The following DMD variants were observed in gnomAD, a reference collection of about 807,000 sequenced individuals.
The protein encoded by DMD is mutant dystrophin.
Under a neutral mutation model 330.1 loss-of-function variants are expected in DMD, and 63 were observed. The ratio of observed to expected loss-of-function variants is 0.19; its 90% CI spans 0.16 to 0.24. DMD has a LOEUF of 0.24. DMD is among the 10% of genes least tolerant of loss of function. The pLI is 1.00. For missense variants in DMD, 3,344 were observed against 2,684.1 expected (o/e 1.25, Z -5.43); for synonymous variants, 1,223 against 959.8 (o/e 1.27, Z -5.07).
At chrX:32,118,740 T>C (rs2096621937) in intron 44 of DMD, among the ~76,000 whole-genome samples, 1 of 109,014 alleles carries the variant, frequency 9.2e-6, no homozygotes, top group Admixed American at 9.8e-5. Context: ...CAGAGACTGG[T>C]TTAGAGGAAG....
intron 1 of DMD, among the ~76,000 whole-genome samples, chrX:33,217,494 G>A (rs1432363094): frequency 1.8e-5 from 2 of 111,504 alleles, no homozygotes; most frequent in Non-Finnish European, 3.8e-5. Flanking sequence ...TCTGGTAAAT[G>A]TTTTATTAGA....
At chrX:32,459,559 C>T (rs934587384) in intron 25 of DMD, among the ~76,000 whole-genome samples, 3 of 110,954 alleles carry the variant, frequency 2.7e-5, no homozygotes, top group East Asian at 2.8e-4. Flanking sequence ...TCTTTTTCTC[C>T]GAAATAAATA....
At chrX:32,964,117 G>T (rs1000887290) in intron 2 of DMD, among the ~76,000 whole-genome samples, 3 of 107,850 alleles carry the variant, frequency 2.8e-5, no homozygotes, top group African/African-American at 1.0e-4. Context: ...TTAGCTGGGC[G>T]TGGTGGTGCG....
intron 44 of DMD, among the ~76,000 whole-genome samples, chrX:32,134,439 G>T (rs772480724): frequency 6.3e-4 from 70 of 111,328 alleles, no homozygotes; most frequent in African/African-American, 2.2e-3. Flanking sequence ...GAAATTAAAA[G>T]AATTCTCATT....
At chrX:32,710,163 G>GTT (rs113728237) in intron 7 of DMD, among the ~76,000 whole-genome samples, 7,821 of 106,939 alleles carry the variant, frequency 0.073, 751 homozygotes, top group African/African-American at 0.25. Context: ...CTTTTATTAT[G>GTT]TTTTTTTTTC....
intron 4 of DMD, among the ~76,000 whole-genome samples, chrX:32,843,187 G>GAAAT (rs1244226067): frequency 1.6e-3 from 181 of 111,823 alleles, no homozygotes; most frequent in African/African-American, 5.5e-3. Context: ...TTTCTTGCTG[G>GAAAT]GGACAGTCAA....
At chrX:32,578,153 T>A (rs1316088560) in intron 13 of DMD, among the ~76,000 whole-genome samples, 2 of 111,468 alleles carry the variant, frequency 1.8e-5, no homozygotes, top group Non-Finnish European at 3.8e-5. Context: ...ATACATATAT[T>A]TTTTAAAGAA....
chrX:31,153,673 G>C (rs2037735595), intron 74 of DMD, among the ~76,000 whole-genome samples: 1 of 112,219 alleles, frequency 8.9e-6, no homozygotes, highest in African/African-American at 3.2e-5. Context: ...GTATAGTCAA[G>C]GTTCCCTCAG....
intron 11 of DMD, among the ~76,000 whole-genome samples, chrX:32,628,380 A>T (rs1287827276): frequency 1.0e-5 from 1 of 96,116 alleles, no homozygotes; most frequent in Non-Finnish European, 2.0e-5. Context: ...CTCCAGTTCC[A>T]TCCATGTTGT....
chrX:32,278,435 G>A (rs2097399337), intron 43 of DMD, among the ~76,000 whole-genome samples: 1 of 111,159 alleles, frequency 9.0e-6, no homozygotes, highest in Non-Finnish European at 1.9e-5. Context: ...GATGCAGAGT[G>A]AACAGGCAAC....
intron 50 of DMD, among the ~76,000 whole-genome samples, chrX:31,816,794 T>TCTCACACACACA (rs1556914952): frequency 7.0e-5 from 6 of 85,344 alleles, no homozygotes; most frequent in Admixed American, 1.4e-4. Flanking sequence ...CAAGATTCTG[T>TCTCACACACACA]CACACACACA....
At chrX:31,436,884 T>G (rs1483098513) in intron 60 of DMD, among the ~76,000 whole-genome samples, 1 of 112,260 alleles carries the variant, frequency 8.9e-6, no homozygotes, top group Non-Finnish European at 1.9e-5. Flanking sequence ...CAAATCCTTC[T>G]GTGACCTAAC....
intron 25 of DMD, among the ~76,000 whole-genome samples, chrX:32,457,077 C>A (rs2098363338): frequency 9.3e-6 from 1 of 107,724 alleles, no homozygotes; most frequent in Admixed American, 1.0e-4. Context: ...AAAAAGGAGT[C>A]CACAGACTGA....
At chrX:32,252,715 AATATATAT>A (rs1456096644) in intron 43 of DMD, among the ~76,000 whole-genome samples, 1 of 34,182 alleles carries the variant, frequency 2.9e-5, no homozygotes, top group East Asian at 1.5e-3. Flanking sequence ...TAAATATATA[AATATATAT>A]AAATATATAA....
intron 27 of DMD, among the ~76,000 whole-genome samples, chrX:32,441,558 T>A (rs750965659): frequency 9.0e-6 from 1 of 111,636 alleles, no homozygotes; most frequent in East Asian, 2.8e-4. Flanking sequence ...TAATTTACTT[T>A]TTAAAATAAA....
intron 2 of DMD, among the ~76,000 whole-genome samples, chrX:32,862,596 A>T (rs958474232): frequency 5.9e-5 from 4 of 67,952 alleles, no homozygotes; most frequent in Non-Finnish European, 1.0e-4. Context: ...TATTAATAAA[A>T]TTATGGTAAA....
intron 42 of DMD, among the ~76,000 whole-genome samples, chrX:32,291,418 C>CT (rs1470091273): frequency 9.0e-6 from 1 of 111,521 alleles, no homozygotes; most frequent in Non-Finnish European, 1.9e-5. Flanking sequence ...CTCATGAGAA[C>CT]TTTTTTCGGA....
At chrX:33,178,425 G>T (rs1418357304) in intron 1 of DMD, among the ~76,000 whole-genome samples, 1 of 111,745 alleles carries the variant, frequency 8.9e-6, no homozygotes, top group East Asian at 2.8e-4. Context: ...ATGTGGCAAG[G>T]CAACAAATCT....
chrX:31,166,453 T>C lies in DMD; in HGVS notation c.10553+2990A>G, dbSNP rs746380200. ...ATATTAACAGATCAATAAGTACACA[T>C]CCAAAGGACTTGGGGCAATCTCAAT... On this transcript the variant is annotated intron_variant, in intron 74 of 78. Transcript: ENST00000357033. Among the ~76,000 whole-genome samples, 5 of 111,569 alleles carry C rather than the reference T, an allele frequency of 4.5e-5. No homozygotes were observed. In the Admixed American group the frequency reaches 4.8e-4, roughly 11 times the overall value.
Sources: gnomAD v4.1 joint callset for allele counts (sites outside exome capture counted in the v4.1 genomes callset) on GRCh38, gnomAD v4.1.1 for gene constraint, MANE v1.5 for transcripts, NCBI Gene and HGNC (gene_info 2026-07-23, HGNC 2026-07-21) for gene names.